MROH9: variants seen among roughly 807,000 people sequenced by gnomAD.
MROH9 encodes the protein maestro heat like repeat family member 9, also known as maestro heat-like repeat-containing protein family member 9.
A neutral mutation model predicts 98.2 loss-of-function variants in MROH9; 92 were observed. The observed-to-expected ratio is 0.94, with a 90% confidence interval of 0.79 to 1.11. MROH9 has a LOEUF of 1.11. Ranked by LOEUF, MROH9 falls within the 50% of genes most tolerant of loss-of-function variation. The pLI, the probability that MROH9 is intolerant of heterozygous loss-of-function variation, is 0.00. For missense variants in MROH9, 1,057 were observed against 1,014.8 expected (o/e 1.04, Z -0.57); for synonymous variants, 397 against 368.9 (o/e 1.08, Z -0.87).
chr1:170,975,515 T>C (rs1650648565), intron 8 of MROH9, among the ~76,000 whole-genome samples: 1 of 152,158 alleles, frequency 6.6e-6, no homozygotes, highest in Admixed American at 6.6e-5. Flanking sequence ...AGTGTACATG[T>C]TACCCATTAG....
chr1:171,057,555 C>T (rs1202397139), intron 20 of MROH9, among the ~76,000 whole-genome samples: 2 of 152,118 alleles, frequency 1.3e-5, no homozygotes, highest in Non-Finnish European at 2.9e-5. Context: ...ATGATATTAT[C>T]CAGGGGAACT....
At chr1:170,999,840 T>C (rs1280424850) in intron 15 of MROH9, among the ~76,000 whole-genome samples, 2 of 152,086 alleles carry the variant, frequency 1.3e-5, no homozygotes, top group Admixed American at 1.3e-4. Flanking sequence ...CACAACAACA[T>C]CTACTGTTTT....
chr1:170,993,319 T>C (rs1422511563), intron 12 of MROH9, among the ~76,000 whole-genome samples: 1 of 152,202 alleles, frequency 6.6e-6, no homozygotes. Context: ...CAAACTTTAG[T>C]GGTAAAATAT....
chr1:170,978,924 G>A (rs956908491), intron 8 of MROH9, among the ~76,000 whole-genome samples: 2 of 152,172 alleles, frequency 1.3e-5, no homozygotes, highest in African/African-American at 4.8e-5. Context: ...GCCCTCCCAG[G>A]GAGGTCTGTC....
chr1:170,947,653 A>T lies in MROH9; in HGVS notation c.72+80A>T. ...ACTTTTTACTGTTTCCATTACAAGG[A>T]TGTTACAAGTAATGTTTAAAATACA... On this transcript the variant is annotated intron_variant, in intron 3 of 21. Transcript: ENST00000367759. 4.0e-6 allele frequency: 5 copies of T among 1,249,094 alleles called. No homozygotes were observed. In the South Asian group the frequency reaches 5.1e-5, roughly 13 times the overall value. The allele number at this position is 1,249,094 out of a possible 1,614,324, so 77.4% of individuals were successfully genotyped here. A position where few individuals can be genotyped will look rare whatever the true frequency, so the allele number is the denominator to read the frequency against.
chr1:171,017,454 G>A (rs1652364933), intron 17 of MROH9, among the ~76,000 whole-genome samples: 1 of 152,204 alleles, frequency 6.6e-6, no homozygotes, highest in South Asian at 2.1e-4. Context: ...CATGCCATAA[G>A]GACCTAGGGT....
At chr1:170,997,465 G>A (rs1464772957) in intron 14 of MROH9, among the ~76,000 whole-genome samples, 2 of 152,084 alleles carry the variant, frequency 1.3e-5, no homozygotes, top group Non-Finnish European at 2.9e-5. Flanking sequence ...GAATCTCATG[G>A]CCCACCTCAG....
At position 171,064,113 on chromosome 1, in the gene MROH9, C is replaced by T; in HGVS notation, c.2359C>T (p.Leu787Phe). The change falls in exon 22 of 22, where the codon CTC (leucine) becomes TTC (phenylalanine). Residue 787 changes from leucine to phenylalanine, a missense_variant. By Grantham distance (22) the Leu-to-Phe change is conservative. Coordinates refer to ENST00000367759, the MANE Select transcript of MROH9 (RefSeq NM_001163629.2). ...TGATATTACAGTTATTGAACGACTG[C>T]TCCGAGATGAAGACCCTATGATCAA... ...EVMLDVIERLLRDEDPMIKQL... is the reference protein window; with the variant it reads ...EVMLDVIERLFRDEDPMIKQL... The T allele has an allele frequency of 1.3e-6, 2 of 1,539,988 alleles. No homozygotes were observed. Among genetic ancestry groups the T allele is most frequent in the Non-Finnish European group, 1.7e-6 (2 of 1,144,220 alleles).
chr1:171,044,452 G>A (rs190992248), intron 20 of MROH9, among the ~76,000 whole-genome samples: 15 of 152,194 alleles, frequency 9.9e-5, no homozygotes, highest in African/African-American at 3.4e-4. Flanking sequence ...GTCTGGTTTT[G>A]ATATCAGGGT....
chr1:171,016,273 G>A lies in MROH9; in HGVS notation c.1845G>A (p.Leu615=). The A allele has an allele frequency of 1.3e-6, 2 of 1,538,374 alleles. No individual in the cohort carries two copies. Among genetic ancestry groups the A allele is most frequent in the Non-Finnish European group, 1.8e-6 (2 of 1,140,882 alleles). The change falls in exon 17 of 22, where the codon CTG becomes CTA. Residue 615 remains leucine (L), a synonymous_variant. Transcript: ENST00000367759. ...LLTLRRLLNE[L]DKVTYSLGTR... ...CCCTTAGAAGGCTTTTAAACGAACT[G>A]GACAAAGTGACCTACTCTTTGGGTA...
chr1:170,952,671 G>A (rs2101880473), intron 3 of MROH9, among the ~76,000 whole-genome samples: 1 of 151,810 alleles, frequency 6.6e-6, no homozygotes, highest in East Asian at 1.9e-4. Flanking sequence ...AATGGGTGCA[G>A]CACACCAACA....
chr1:170,991,518 C>T lies in MROH9; in HGVS notation c.1029-646C>T, dbSNP rs139151889. Among the ~76,000 whole-genome samples the T allele has an allele frequency of 2.3e-4, 35 of 152,092 alleles. No homozygotes were observed. The East Asian group carries it at 5.2e-3, about 23-fold the overall frequency. On this transcript the variant is annotated intron_variant, in intron 11 of 21. Transcript: ENST00000367759. ...AATTGGCAAGGTATCAGAAATACATCGGTGTAGAGATGTATAGCAGTTTCT... is the reference window on the plus strand; with the variant it reads ...AATTGGCAAGGTATCAGAAATACATTGGTGTAGAGATGTATAGCAGTTTCT...
chr1:170,973,491 C>T lies in MROH9; in HGVS notation c.616+1608C>T, dbSNP rs144468620. ...ATCTCCAAATATTTTAATTACCTACCAAAACAAAGCTGAAGAATACCCCTA... is the reference window on the plus strand; with the variant it reads ...ATCTCCAAATATTTTAATTACCTACTAAAACAAAGCTGAAGAATACCCCTA... On this transcript the variant is annotated intron_variant, in intron 8 of 21. Transcript: ENST00000367759. 2.0e-3 allele frequency among the ~76,000 whole-genome samples: 303 copies of T among 151,920 alleles called. 1 individual carries two copies. Among genetic ancestry groups the T allele is most frequent in the African/African-American group, 6.9e-3 (287 of 41,452 alleles).
chr1:171,054,262 A>G (rs772156667), intron 20 of MROH9, among the ~76,000 whole-genome samples: 1 of 152,252 alleles, frequency 6.6e-6, no homozygotes, highest in Admixed American at 6.5e-5. Context: ...CAAAGCAAAC[A>G]AAAATATAAA....
chr1:170,952,868 C>T (rs1272585708), intron 3 of MROH9, among the ~76,000 whole-genome samples: 1 of 151,984 alleles, frequency 6.6e-6, no homozygotes, highest in African/African-American at 2.4e-5. Flanking sequence ...CAGAGGTAGG[C>T]AATGCCAACA....
intron 20 of MROH9, among the ~76,000 whole-genome samples, chr1:171,040,619 C>T (rs948675934): frequency 7.9e-5 from 12 of 152,068 alleles, no homozygotes; most frequent in African/African-American, 2.4e-4. Flanking sequence ...AATGGACACC[C>T]TCTAGCCATG....
intron 20 of MROH9, among the ~76,000 whole-genome samples, chr1:171,038,229 G>A (rs990533054): frequency 6.6e-6 from 1 of 151,812 alleles, no homozygotes; most frequent in African/African-American, 2.4e-5. Context: ...AAAAATGGAC[G>A]AAGTACACAC....
chr1:171,027,201 C>T (rs949992328), intron 20 of MROH9, among the ~76,000 whole-genome samples: 1 of 152,174 alleles, frequency 6.6e-6, no homozygotes, highest in Non-Finnish European at 1.5e-5. Context: ...AGTTCCCTCG[C>T]CTCAACCCCC....
chr1:171,012,474 G>GA (rs1557897781), intron 15 of MROH9, among the ~76,000 whole-genome samples: 1 of 150,342 alleles, frequency 6.7e-6, no homozygotes, highest in African/African-American at 2.5e-5. Flanking sequence ...TTCTTCCAAG[G>GA]AAAACATGAT....
Sources: gnomAD v4.1 joint callset for allele counts (sites outside exome capture counted in the v4.1 genomes callset) on GRCh38, gnomAD v4.1.1 for gene constraint, MANE v1.5 for transcripts, NCBI Gene and HGNC (gene_info 2026-07-23, HGNC 2026-07-21) for gene names.